MARCHF6: variants seen among roughly 807,000 people sequenced by gnomAD.
MARCHF6 encodes the protein membrane associated ring-CH-type finger 6.
Under a neutral mutation model 133.7 loss-of-function variants are expected in MARCHF6, and 31 were observed. The ratio of observed to expected loss-of-function variants is 0.23; its 90% CI spans 0.17 to 0.31. The LOEUF (loss-of-function observed/expected upper bound fraction) is 0.31. Among genes scored for constraint, MARCHF6 ranks in the 10% least tolerant of loss-of-function variants. MARCHF6 has a pLI of 1.00. For missense variants in MARCHF6, 723 were observed against 1,121.6 expected, an observed-to-expected ratio of 0.64 and a Z score of 5.08; for synonymous variants, 395 against 402.5, an observed-to-expected ratio of 0.98 and a Z score of 0.22.
At position 10,435,616 on chromosome 5, in the gene MARCHF6, CATATAACTATATAACT is replaced by C. The variant is rs1390105641; in HGVS notation, c.*1946_*1961del. The C allele has an allele frequency of 2.3e-3, 15 of 6,650 alleles. No homozygotes were observed. The highest frequency in any genetic ancestry group is 9.0e-3 in the African/African-American group (15 of 1,660). 0.4% of individuals were successfully genotyped at this position (6,650 alleles called of 1,614,324 possible). A position where few individuals can be genotyped will look rare whatever the true frequency, so the allele number is the denominator to read the frequency against. ...AGAAAAACATTATTATTGAATTGAGCATATAACTATATAACTATATAACTATATATATATATATATA... is the reference window on the plus strand; with the variant it reads ...AGAAAAACATTATTATTGAATTGAGCATATAACTATATATATATATATATA... On this transcript the variant is annotated 3_prime_UTR_variant, in exon 26 of 26. Transcript: ENST00000274140.
Position 10,378,879 on chromosome 5 carries a change from G to A in MARCHF6, c.190+47G>A, listed in dbSNP as rs753349193. 42 of 1,273,536 alleles carry A rather than the reference G, an allele frequency of 3.3e-5. No homozygotes were observed. In the South Asian group the frequency reaches 3.3e-4, roughly 10 times the overall value. The allele number at this position is 1,273,536 out of a possible 1,614,324, so 78.9% of individuals were successfully genotyped here. ...ACTGCATTTTTTTTGGTTATCACTCGTGGCATAAAGGTGTTTGATATGATC... is the reference window on the plus strand; with the variant it reads ...ACTGCATTTTTTTTGGTTATCACTCATGGCATAAAGGTGTTTGATATGATC... On this transcript the variant is annotated intron_variant, in intron 3 of 25. Coordinates refer to ENST00000274140, the MANE Select transcript of MARCHF6 (RefSeq NM_005885.4).
At chr5:10,389,841 C>G (rs960101718) in intron 5 of MARCHF6, among the ~76,000 whole-genome samples, 4 of 152,144 alleles carry the variant, frequency 2.6e-5, no homozygotes, top group African/African-American at 9.7e-5. Context: ...TTTGATGATT[C>G]TATTAATTTG....
At chr5:10,387,495 G>A (rs948225858) in intron 5 of MARCHF6, among the ~76,000 whole-genome samples, 2 of 151,116 alleles carry the variant, frequency 1.3e-5, no homozygotes, top group South Asian at 4.2e-4. Flanking sequence ...TAGAGACAGG[G>A]TTTCACCATG....
intron 12 of MARCHF6, 45 bp from the exon 13 acceptor site, chr5:10,402,339 A>G: frequency 1.3e-6 from 2 of 1,524,464 alleles, no homozygotes; most frequent in South Asian, 1.1e-5. Context: ...TACCTGTTTC[A>G]TTGTACCTTT....
At chr5:10,388,191 C>T (rs1737606102) in intron 5 of MARCHF6, among the ~76,000 whole-genome samples, 1 of 152,168 alleles carries the variant, frequency 6.6e-6, no homozygotes, top group Non-Finnish European at 1.5e-5. Context: ...TACTCATTGA[C>T]TCCAGAGGAC....
chr5:10,410,001 A>G (rs1159342762), intron 17 of MARCHF6, 138 bp from the exon 18 acceptor site: 1 of 900,230 alleles, frequency 1.1e-6, no homozygotes, highest in Non-Finnish European at 1.7e-6. Flanking sequence ...GGAAAGCCTC[A>G]CTGAGTTGGA....
chr5:10,419,200 C>A lies in MARCHF6; in HGVS notation c.2283+1796C>A, dbSNP rs182346292. On this transcript the variant is annotated intron_variant, in intron 22 of 25. Transcript: ENST00000274140. ...GAAAGCGATACACATTCAGCAGAAACTGTACTTTGAGTACTTCTACAGCTA... is the reference window on the plus strand; with the variant it reads ...GAAAGCGATACACATTCAGCAGAAAATGTACTTTGAGTACTTCTACAGCTA... Among the ~76,000 whole-genome samples the A allele has an allele frequency of 1.3e-5, 2 of 152,174 alleles. 1 individual carries two copies. The highest frequency in any genetic ancestry group is 1.3e-4 in the Admixed American group (2 of 15,272).
chr5:10,398,622 T>A (rs1242735814), intron 10 of MARCHF6, among the ~76,000 whole-genome samples: 12 of 152,122 alleles, frequency 7.9e-5, no homozygotes, highest in Non-Finnish European at 1.5e-4. Context: ...ATCTATAGAT[T>A]TAAGTCTTTA....
At chr5:10,411,199 G>A in intron 18 of MARCHF6, 134 bp from the exon 19 acceptor site, 1 of 697,396 alleles carries the variant, frequency 1.4e-6, no homozygotes. Flanking sequence ...CCAAAATTAG[G>A]TAATAATGTG....
rs780018356 is a variant in MARCHF6 at position 10,353,892 on chromosome 5, A to T, written c.-7A>T. On this transcript the variant is annotated 5_prime_UTR_variant, in exon 1 of 26. Coordinates refer to ENST00000274140, the MANE Select transcript of MARCHF6 (RefSeq NM_005885.4). Reference sequence around the variant, plus strand: ...GTGGCTGCGTCACCGCCGCCCCCCCAGACAAGATGGACACCGCGGAGGAAG... The same window carrying T: ...GTGGCTGCGTCACCGCCGCCCCCCCTGACAAGATGGACACCGCGGAGGAAG... 1.3e-6 allele frequency: 2 copies of T among 1,564,434 alleles called. No individual in the cohort carries two copies. Among genetic ancestry groups the T allele is most frequent in the East Asian group, 2.4e-5 (1 of 41,754 alleles).
At chr5:10,420,826 G>A in intron 22 of MARCHF6, among the ~76,000 whole-genome samples, 1 of 152,142 alleles carries the variant, frequency 6.6e-6, no homozygotes, top group Non-Finnish European at 1.5e-5. Flanking sequence ...TACAGTTTTA[G>A]CTTCTGCCAC....
In MARCHF6 at chr5:10,439,830, C is replaced by G. The variant is rs940979497; in HGVS notation, c.*6146C>G. On this transcript the variant is annotated 3_prime_UTR_variant, in exon 26 of 26. Transcript: ENST00000274140. ...CCTTTTCTCCCTTCTCTGACCCCAT[C>G]ACCTCTGTGTTCACCCTGCTCCTGC... 1 of 152,578 alleles carries G rather than the reference C, an allele frequency of 6.6e-6. No homozygotes were observed. The highest frequency in any genetic ancestry group is 1.5e-5 in the Non-Finnish European group (1 of 68,196). 9.5% of individuals were successfully genotyped at this position (152,578 alleles called of 1,614,324 possible). A position where few individuals can be genotyped will look rare whatever the true frequency, so the allele number is the denominator to read the frequency against.
chr5:10,411,017 T>C (rs1739197559), intron 18 of MARCHF6, among the ~76,000 whole-genome samples: 1 of 147,424 alleles, frequency 6.8e-6, no homozygotes, highest in Non-Finnish European at 1.5e-5. Context: ...TTACCTCTTG[T>C]ACTTACAAGT....
rs745542590 is a variant in MARCHF6 at position 10,402,610 on chromosome 5, A to G, written c.1197+3A>G. On this transcript the variant is annotated splice_donor_region_variant and intron_variant, in intron 14 of 25. Transcript: ENST00000274140. Reference sequence around the variant, plus strand: ...GGTGGCTGGATATCTGTTCCTTGGTAAGTTGAGTATTCATTATTGTATAAT... The same window carrying G: ...GGTGGCTGGATATCTGTTCCTTGGTGAGTTGAGTATTCATTATTGTATAAT... The G allele has an allele frequency of 6.2e-6, 10 of 1,608,836 alleles. No homozygotes were observed. In the South Asian group the frequency reaches 8.8e-5, roughly 14 times the overall value.
At chr5:10,358,792 A>G (rs1195935782) in intron 1 of MARCHF6, among the ~76,000 whole-genome samples, 1 of 152,226 alleles carries the variant, frequency 6.6e-6, no homozygotes, top group Non-Finnish European at 1.5e-5. Context: ...AAATATATGT[A>G]GATACTAGTC....
At chr5:10,412,217 TC>T (rs2126789804) in intron 19 of MARCHF6, among the ~76,000 whole-genome samples, 1 of 152,350 alleles carries the variant, frequency 6.6e-6, no homozygotes, top group African/African-American at 2.4e-5. Flanking sequence ...GTTCAGTCAT[TC>T]AGCAAACATG....
In MARCHF6 at chr5:10,404,068, T is replaced by C. The variant is rs865934824; in HGVS notation, c.1332+527T>C. Among the ~76,000 whole-genome samples the C allele has an allele frequency of 6.9e-3, 967 of 139,362 alleles. 14 individuals carry two copies. Among genetic ancestry groups the C allele is most frequent in the African/African-American group, 0.023 (901 of 38,514 alleles). 91.4% of individuals were successfully genotyped at this position (139,362 alleles called of 152,430 possible). A position where few individuals can be genotyped will look rare whatever the true frequency, so the allele number is the denominator to read the frequency against. ...ATTTATTTATTTATTTATTTATTTA[T>C]TTATTTATTTACTTATTTACTTTTT... is the stretch of plus-strand genomic sequence containing the variant. On this transcript the variant is annotated intron_variant, in intron 15 of 25. Coordinates refer to ENST00000274140, the MANE Select transcript of MARCHF6 (RefSeq NM_005885.4).
At chr5:10,400,715 G>C (rs1283320249) in intron 10 of MARCHF6, 69 bp from the exon 11 acceptor site, 3 of 1,127,702 alleles carry the variant, frequency 2.7e-6, no homozygotes, top group Non-Finnish European at 4.0e-6. Flanking sequence ...CCTTTTAGTG[G>C]GGAATTGTAG....
intron 15 of MARCHF6, among the ~76,000 whole-genome samples, chr5:10,404,942 T>G (rs997220964): frequency 1.3e-5 from 2 of 152,248 alleles, no homozygotes; most frequent in Non-Finnish European, 2.9e-5. Flanking sequence ...TTATAATGAT[T>G]TCTTTCATTT....
Sources: gnomAD v4.1 joint callset for allele counts (sites outside exome capture counted in the v4.1 genomes callset) on GRCh38, gnomAD v4.1.1 for gene constraint, MANE v1.5 for transcripts, NCBI Gene and HGNC (gene_info 2026-07-23, HGNC 2026-07-21) for gene names.